The following ICAM2 variants were observed in gnomAD, a reference collection of about 807,000 sequenced individuals.
The protein encoded by ICAM2 is intercellular adhesion molecule 2, also known as ICAM-2.
Under a neutral mutation model 19.1 loss-of-function variants are expected in ICAM2, and 14 were observed. That is an observed-to-expected ratio of 0.73 (90% confidence interval 0.48 to 1.15). ICAM2 has a LOEUF of 1.15. ICAM2 is among the 50% of genes most tolerant of loss of function. ICAM2 has a pLI of 0.00. For missense variants in ICAM2, 311 were observed against 355.4 expected, an observed-to-expected ratio of 0.88 and a Z score of 1.00; for synonymous variants, 153 against 152.7, an observed-to-expected ratio of 1.00 and a Z score of -0.01.
In ICAM2 at chr17:64,003,972, G is replaced by A. The variant is rs116131669; in HGVS notation, c.329-8C>T. On this transcript the variant is annotated splice_region_variant and splice_polypyrimidine_tract_variant and intron_variant, in intron 3 of 4. Transcript: ENST00000579788. ...TGACCTGCCTTGGAGGCTCTGCAGGGGACAAAGGAGGGAGGTCTGGTCAGG... is the reference window on the plus strand; with the variant it reads ...TGACCTGCCTTGGAGGCTCTGCAGGAGACAAAGGAGGGAGGTCTGGTCAGG... 2,599 of 1,598,826 alleles carry A rather than the reference G, an allele frequency of 1.6e-3. 39 individuals carry two copies. The African/African-American group carries it at 0.03, about 18-fold the overall frequency.
At chr17:64,003,090 A>G (rs983897229) in intron 4 of ICAM2, 165 bp from the exon 5 acceptor site, 1 of 598,356 alleles carries the variant, frequency 1.7e-6, no homozygotes, top group East Asian at 2.8e-5. Context: ...TGGTGTCTGC[A>G]TTAAAATTAT....
rs201009410 is a variant in ICAM2, at chr17:64,002,817, C to A, written c.758G>T (p.Arg253Leu). 7 of 1,613,896 alleles carry A rather than the reference C, an allele frequency of 4.3e-6. No individual in the cohort carries two copies. The East Asian group carries it at 1.6e-4, about 36-fold the overall frequency. The change falls in exon 5 of 5, where the codon CGC (arginine) becomes CTC (leucine). Residue 253 changes from arginine (R) to leucine (L), a missense_variant. Coordinates refer to ENST00000579788, the MANE Select transcript of ICAM2 (RefSeq NM_001099789.2). ...LLCFIFGQHL[R>L]QQRMGTYGVR... is the part of the protein sequence containing the mutation. The stretch of plus-strand genomic sequence containing the variant: ...CCCGTAGGTGCCCATCCGCTGCTGG[C>A]GCAAGTGCTGGCCGAAGATGAAGCA...
At position 64,020,618 on chromosome 17, in the gene ICAM2, C is replaced by G. The variant is rs933540880; in HGVS notation, c.-140G>C. The G allele has an allele frequency of 6.6e-6, 1 of 151,976 alleles. No homozygotes were observed. Among genetic ancestry groups the G allele is most frequent in the Non-Finnish European group, 1.5e-5 (1 of 68,040 alleles). The allele number at this position is 151,976 out of a possible 1,614,324, so 9.4% of individuals were successfully genotyped here. On this transcript the variant is annotated 5_prime_UTR_variant, in exon 1 of 5. Transcript: ENST00000579788. ...CGTGTCACAGCTGCCCAGTTCACGG[C>G]TTATTCAGTCTTCTCCCTCCCCCCA...
chr17:64,005,072 A>G, intron 3 of ICAM2, 35 bp downstream of exon 3: 1 of 1,612,380 alleles, frequency 6.2e-7, no homozygotes, highest in Non-Finnish European at 8.5e-7. Context: ...CCTCTGTCCC[A>G]GGGGAGAGGA....
intron 1 of ICAM2, among the ~76,000 whole-genome samples, chr17:64,008,330 C>G (rs1442177878): frequency 6.6e-6 from 1 of 152,174 alleles, no homozygotes; most frequent in Non-Finnish European, 1.5e-5. Context: ...TCCTGAAACC[C>G]AAGCCAGGGG....
At chr17:64,013,431 G>T (rs150085537) in intron 1 of ICAM2, among the ~76,000 whole-genome samples, 3,346 of 152,228 alleles carry the variant, frequency 0.022, 109 homozygotes, top group African/African-American at 0.076. Flanking sequence ...AACCCAGGAG[G>T]TGGAGGTTGC....
chr17:64,008,016 C>T (rs1035203484), intron 1 of ICAM2, among the ~76,000 whole-genome samples: 1 of 152,120 alleles, frequency 6.6e-6, no homozygotes, highest in African/African-American at 2.4e-5. Context: ...AAAGGGATGC[C>T]CCAGAATCCT....
chr17:64,017,172 T>G (rs796156420), intron 1 of ICAM2, among the ~76,000 whole-genome samples: 19 of 152,242 alleles, frequency 1.2e-4, no homozygotes, highest in African/African-American at 4.6e-4. Context: ...ATCAAAACCA[T>G]CGGTATTTGT....
chr17:64,017,539 G>A (rs183130604), intron 1 of ICAM2, among the ~76,000 whole-genome samples: 1 of 151,988 alleles, frequency 6.6e-6, no homozygotes, highest in African/African-American at 2.4e-5. Flanking sequence ...TGATCTATAG[G>A]GTCAGTGCAA....
rs1353871872 is a variant in ICAM2 at position 64,002,777 on chromosome 17, C to T, written c.798G>A (p.Trp266Ter). The change falls in exon 5 of 5, where the codon TGG (tryptophan) becomes TGA (stop). Residue 266 changes from tryptophan (W) to a stop codon, truncating the protein, a stop_gained. Transcript: ENST00000579788. LOFTEE classifies it high-confidence loss of function. Reference sequence around the variant, plus strand: ...GCCGGAAGGCCTGGGGCAGCCTCCTCCAAGCCGCTCGCACCCCGTAGGTGC... The same window carrying T: ...GCCGGAAGGCCTGGGGCAGCCTCCTTCAAGCCGCTCGCACCCCGTAGGTGC... Reference protein sequence around the residue: ...RMGTYGVRAAWRRLPQAFRP With the variant: ...RMGTYGVRAA 1.2e-6 allele frequency: 2 copies of T among 1,612,912 alleles called. No homozygotes were observed. The highest frequency in any genetic ancestry group is 1.7e-6 in the Non-Finnish European group (2 of 1,179,942).
chr17:64,018,668 A>ATGGAATACATCTGTC (rs1350850712), intron 1 of ICAM2, among the ~76,000 whole-genome samples: 1 of 150,596 alleles, frequency 6.6e-6, no homozygotes, highest in Non-Finnish European at 1.5e-5. Context: ...ATGCCCTAGA[A>ATGGAATACATCTGTC]ACGCTGTCAC....
chr17:64,017,352 A>G (rs1055578493), intron 1 of ICAM2, among the ~76,000 whole-genome samples: 1 of 152,256 alleles, frequency 6.6e-6, no homozygotes. Flanking sequence ...TACATCAATT[A>G]TAACAGTCAA....
At chr17:64,014,431 GGAAGGAAGAGAGAGAGAGA>G (rs1911601258) in intron 1 of ICAM2, among the ~76,000 whole-genome samples, 1 of 135,612 alleles carries the variant, frequency 7.4e-6, no homozygotes, top group Non-Finnish European at 1.6e-5. Flanking sequence ...AAGGAAGGAA[GGAAGGAAGAGAGAGAGAGA>G]GAAGGAGAGA....
chr17:64,015,081 A>G (rs1339887486), intron 1 of ICAM2, among the ~76,000 whole-genome samples: 4 of 152,210 alleles, frequency 2.6e-5, no homozygotes, highest in Non-Finnish European at 5.9e-5. Flanking sequence ...AAATTTATAG[A>G]AACAGAAAGT....
chr17:64,006,612 C>T lies in ICAM2; in HGVS notation c.61+19G>A, dbSNP rs768909876. The T allele has an allele frequency of 6.2e-7, 1 of 1,611,842 alleles. No individual in the cohort carries two copies. The highest frequency in any genetic ancestry group is 2.2e-5 in the East Asian group (1 of 44,836). ...CGGCTGGCATGTGCCAAATCAGGAACCCCAGGAAACTGGCTTACCTGGACA... is the reference window on the plus strand; with the variant it reads ...CGGCTGGCATGTGCCAAATCAGGAATCCCAGGAAACTGGCTTACCTGGACA... On this transcript the variant is annotated intron_variant, in intron 2 of 4. Coordinates refer to ENST00000579788, the MANE Select transcript of ICAM2 (RefSeq NM_001099789.2).
intron 1 of ICAM2, among the ~76,000 whole-genome samples, chr17:64,015,244 A>G (rs1209872064): frequency 6.6e-6 from 1 of 152,214 alleles, no homozygotes; most frequent in Non-Finnish European, 1.5e-5. Context: ...TACACTTAAA[A>G]ATGGTTAATT....
intron 1 of ICAM2, among the ~76,000 whole-genome samples, chr17:64,009,576 T>C (rs1442540368): frequency 6.6e-6 from 1 of 152,054 alleles, no homozygotes; most frequent in African/African-American, 2.4e-5. Context: ...GCCTCCTGAG[T>C]AGCTAGGATT....
intron 4 of ICAM2, 53 bp downstream of exon 4, chr17:64,003,591 A>AG (rs34078085): frequency 6.5e-7 from 1 of 1,532,502 alleles, no homozygotes; most frequent in African/African-American, 1.4e-5. Context: ...TCTTCCCCCG[A>AG]GGGGCTGAAA....
chr17:64,013,012 T>TA (rs1302841969), intron 1 of ICAM2, among the ~76,000 whole-genome samples: 1 of 151,866 alleles, frequency 6.6e-6, no homozygotes, highest in Non-Finnish European at 1.5e-5. Context: ...AATCCTTAGT[T>TA]AAAAAAAATT....
Sources: allele counts gnomAD v4.1 joint callset (sites outside exome capture counted in the v4.1 genomes callset), GRCh38; gene constraint gnomAD v4.1.1; transcripts MANE v1.5; gene names NCBI Gene and HGNC (gene_info 2026-07-23, HGNC 2026-07-21).